VCF2: variants seen among roughly 807,000 people sequenced by gnomAD.
The protein encoded by VCF2 is protein VCF2.
the VCF2 span, among the ~76,000 whole-genome samples, chrX:55,144,168 T>C: frequency 0.011 from 1,228 of 111,831 alleles, 12 homozygotes; most frequent in African/African-American, 0.038. Flanking sequence ...ACTGTGTTTT[T>C]AATAGACACT....
chrX:55,143,862 C>G, the VCF2 span: 1 of 1,193,442 alleles, frequency 8.4e-7, no homozygotes, highest in Non-Finnish European at 1.1e-6. Flanking sequence ...ATGACATAAA[C>G]AGGTTTAGAC....
chrX:55,144,625 C>T, the VCF2 span, among the ~76,000 whole-genome samples: 2 of 110,860 alleles, frequency 1.8e-5, no homozygotes, highest in African/African-American at 3.3e-5. Flanking sequence ...GGTATGTATT[C>T]TTTTCCTAAG....
the VCF2 span, among the ~76,000 whole-genome samples, chrX:55,146,750 C>T: frequency 1.8e-5 from 2 of 112,230 alleles, no homozygotes; most frequent in Non-Finnish European, 3.8e-5. Context: ...GTAAAAGTTA[C>T]AATGAAGCAA....
chrX:55,143,782 A>T, the VCF2 span: 1 of 1,192,584 alleles, frequency 8.4e-7, no homozygotes, highest in Non-Finnish European at 1.1e-6. Context: ...AGTAGTTTTA[A>T]ACAGCTTGGT....
the VCF2 span, chrX:55,146,037 T>C: frequency 1.7e-6 from 2 of 1,182,482 alleles, no homozygotes. Flanking sequence ...TGTATGCAAT[T>C]GCTTTTATAA....
At chrX:55,155,739 C>T in the VCF2 span, among the ~76,000 whole-genome samples, 1 of 110,453 alleles carries the variant, frequency 9.1e-6, no homozygotes, top group South Asian at 3.9e-4. Flanking sequence ...AAACTAGACA[C>T]AAGATTAGTT....
the VCF2 span, among the ~76,000 whole-genome samples, chrX:55,147,013 T>C: frequency 4.5e-5 from 5 of 111,959 alleles, no homozygotes; most frequent in South Asian, 7.4e-4. Context: ...TTAAGATCTC[T>C]TTTTCTTTCA....
chrX:55,148,070 T>C, the VCF2 span, among the ~76,000 whole-genome samples: 2 of 110,947 alleles, frequency 1.8e-5, no homozygotes, highest in Non-Finnish European at 3.8e-5. Context: ...CAGAAGTCTT[T>C]ATACTTCAGG....
the VCF2 span, among the ~76,000 whole-genome samples, chrX:55,147,314 G>A: frequency 1.8e-5 from 2 of 111,196 alleles, no homozygotes; most frequent in African/African-American, 6.5e-5. Context: ...CTGTCCACAG[G>A]TACCAAGAGA....
chrX:55,146,439 A>G, the VCF2 span: 2 of 576,678 alleles, frequency 3.5e-6, no homozygotes, highest in Middle Eastern at 4.2e-4. Flanking sequence ...GAGCCATTTA[A>G]GATAGTTCAT....
the VCF2 span, chrX:55,160,923 G>A: frequency 1.3e-4 from 151 of 1,160,512 alleles, no homozygotes; most frequent in Non-Finnish European, 1.7e-4. Flanking sequence ...TTTCAAGCAC[G>A]AAGGGCGGGG....
At chrX:55,146,246 T>C in the VCF2 span, 1 of 1,211,711 alleles carries the variant, frequency 8.3e-7, no homozygotes, top group Non-Finnish European at 1.1e-6. Flanking sequence ...AGTTGCCTTC[T>C]GGTCCACTTG....
At chrX:55,145,921 C>T in the VCF2 span, 6 of 1,037,770 alleles carry the variant, frequency 5.8e-6, no homozygotes, top group African/African-American at 9.6e-5. Context: ...CATTTATTCA[C>T]AGCCCCTTTA....
the VCF2 span, among the ~76,000 whole-genome samples, chrX:55,157,908 G>A: frequency 5.3e-4 from 60 of 112,203 alleles, no homozygotes; most frequent in Non-Finnish European, 1.0e-3. Context: ...AGAAATGTTC[G>A]GCTCTTTGTG....
chrX:55,147,490 T>A, the VCF2 span, among the ~76,000 whole-genome samples: 4 of 110,694 alleles, frequency 3.6e-5, no homozygotes, highest in East Asian at 2.8e-4. Context: ...TAAAAAAAAA[T>A]TTTTCCTAGG....
the VCF2 span, among the ~76,000 whole-genome samples, chrX:55,149,884 A>G: frequency 8.9e-6 from 1 of 112,051 alleles, no homozygotes; most frequent in Non-Finnish European, 1.9e-5. Context: ...CTGTCTCAAA[A>G]AAATAAAAAC....
the VCF2 span, among the ~76,000 whole-genome samples, chrX:55,150,100 A>AATACAATC: frequency 8.9e-6 from 1 of 112,498 alleles, no homozygotes; most frequent in Non-Finnish European, 1.9e-5. Context: ...TATTTGATAT[A>AATACAATC]ATACAATCAT....
At chrX:55,157,546 C>T in the VCF2 span, among the ~76,000 whole-genome samples, 1 of 111,764 alleles carries the variant, frequency 8.9e-6, no homozygotes, top group African/African-American at 3.3e-5. Context: ...AACAAAAATG[C>T]CCCAGTTGTC....
At chrX:55,147,634 G>GTT in the VCF2 span, among the ~76,000 whole-genome samples, 947 of 54,079 alleles carry the variant, frequency 0.018, 67 homozygotes, top group African/African-American at 0.021. Flanking sequence ...GGCTTTCCTT[G>GTT]TTTTTTTTTT....
Sources: allele counts gnomAD v4.1 joint callset (sites outside exome capture counted in the v4.1 genomes callset), GRCh38; gene constraint gnomAD v4.1.1; transcripts MANE v1.5; gene names NCBI Gene and HGNC (gene_info 2026-07-23, HGNC 2026-07-21).